The following SYMPK variants were observed in gnomAD, a reference collection of about 807,000 sequenced individuals.
SYMPK encodes the protein symplekin scaffold protein.
Under a neutral mutation model 136.4 loss-of-function variants are expected in SYMPK, and 49 were observed. The ratio of observed to expected loss-of-function variants is 0.36; its 90% CI spans 0.29 to 0.46. The LOEUF (loss-of-function observed/expected upper bound fraction) is 0.46. Among genes scored for constraint, SYMPK ranks in the 20% least tolerant of loss-of-function variants. The probability of loss-of-function intolerance (pLI) is 1.00; values close to 1 mark genes in which losing one functional copy is unlikely to be tolerated. For synonymous variants in SYMPK, 766 were observed against 713.0 expected (o/e 1.07, Z -1.19); for missense variants, 1,365 against 1,690.0 (o/e 0.81, Z 3.37).
intron 11 of SYMPK, among the ~76,000 whole-genome samples, chr19:45,832,311 T>G (rs1600507041): frequency 6.6e-6 from 1 of 152,186 alleles, no homozygotes; most frequent in East Asian, 1.9e-4. Flanking sequence ...CCAGCTAATT[T>G]TTTTGTTTTC....
rs1029096269 is a variant in SYMPK, at chr19:45,846,669, G to A, written c.676+1083C>T. ...CATATACACATACAAATACCTACAT[G>A]TGCACAGGAAAGATCTGAAAGGAAA... On this transcript the variant is annotated intron_variant, in intron 7 of 26. Transcript: ENST00000245934. Among the ~76,000 whole-genome samples the A allele has an allele frequency of 2.0e-5, 3 of 152,246 alleles. No homozygotes were observed. In the South Asian group the frequency reaches 6.2e-4, roughly 32 times the overall value.
At chr19:45,830,827 T>G (rs566548278) in intron 12 of SYMPK, 2 of 152,114 alleles carry the variant, frequency 1.3e-5, no homozygotes, top group Admixed American at 1.3e-4. Flanking sequence ...AGGCGGAGCT[T>G]GCAGTGAGCT....
intron 7 of SYMPK, among the ~76,000 whole-genome samples, 156 bp downstream of exon 7, chr19:45,847,596 A>G (rs1228182573): frequency 6.6e-6 from 1 of 152,182 alleles, no homozygotes; most frequent in Non-Finnish European, 1.5e-5. Flanking sequence ...TAAGCAGTGC[A>G]GCTGGGATCT....
chr19:45,840,382 G>A (rs1680896588), intron 9 of SYMPK, among the ~76,000 whole-genome samples: 1 of 150,266 alleles, frequency 6.7e-6, no homozygotes, highest in African/African-American at 2.5e-5. Context: ...TACAAACCCT[G>A]GCCAGGTGCA....
chr19:45,830,036 G>C lies in SYMPK; in HGVS notation c.1749+18C>G, dbSNP rs1297729475. 6.5e-7 allele frequency: 1 copy of C among 1,535,620 alleles called. No individual in the cohort carries two copies. The highest frequency in any genetic ancestry group is 2.0e-5 in the Admixed American group (1 of 50,494). On this transcript the variant is annotated intron_variant, in intron 13 of 26. Transcript: ENST00000245934. Reference sequence around the variant, plus strand: ...TAGAGGGACTGGAAGGATGGGGTGGGGGGTGGCAGGCGCACACCTGGGCTG... The same window carrying C: ...TAGAGGGACTGGAAGGATGGGGTGGCGGGTGGCAGGCGCACACCTGGGCTG...
rs1198940502 is a variant in SYMPK at position 45,831,598 on chromosome 19, A to G, written c.1394-10T>C. On this transcript the variant is annotated splice_polypyrimidine_tract_variant and intron_variant, in intron 11 of 26. Transcript: ENST00000245934. ...TTGGTCTGCTCTACACCTGAGGGGGAGGCAGCAAACAGACACCCAGTGCGT... is the reference window on the plus strand; with the variant it reads ...TTGGTCTGCTCTACACCTGAGGGGGGGGCAGCAAACAGACACCCAGTGCGT... The G allele has an allele frequency of 1.3e-6, 2 of 1,571,630 alleles. No homozygotes were observed. Among genetic ancestry groups the G allele is most frequent in the Non-Finnish European group, 1.7e-6 (2 of 1,157,674 alleles).
intron 9 of SYMPK, 139 bp downstream of exon 9, chr19:45,842,111 C>G: frequency 7.3e-7 from 1 of 1,371,024 alleles, no homozygotes; most frequent in Non-Finnish European, 9.9e-7. Context: ...GCTGGGAATA[C>G]AGGTGTGAGC....
chr19:45,816,340 G>A, intron 25 of SYMPK, 142 bp downstream of exon 25: 1 of 1,257,482 alleles, frequency 8.0e-7, no homozygotes, highest in Non-Finnish European at 1.1e-6. Flanking sequence ...CCCAGCAGGA[G>A]CATCCCCTGG....
chr19:45,860,445 T>G (rs1364180724), intron 1 of SYMPK, among the ~76,000 whole-genome samples: 1 of 142,262 alleles, frequency 7.0e-6, no homozygotes, highest in Non-Finnish European at 1.5e-5. Flanking sequence ...GCAACAAGAG[T>G]GAAACTGCGT....
chr19:45,828,312 G>A (rs1009235394), intron 14 of SYMPK: 2 of 228,050 alleles, frequency 8.8e-6, no homozygotes, highest in African/African-American at 4.7e-5. Flanking sequence ...TAGAGTTGAG[G>A]GAAGAGCATT....
Position 45,815,864 on chromosome 19 carries a change from C to T in SYMPK, c.3674G>A (p.Gly1225Asp), listed in dbSNP as rs1568604225. 6.2e-7 allele frequency: 1 copy of T among 1,611,884 alleles called. No homozygotes were observed. Among genetic ancestry groups the T allele is most frequent in the Admixed American group, 1.7e-5 (1 of 59,934 alleles). The change falls in exon 26 of 27, where the codon GGC becomes GAC. Residue 1225 changes from glycine to aspartate, a missense_variant. By Grantham distance (94) the Gly-to-Asp change is moderately conservative. Coordinates refer to ENST00000245934, the MANE Select transcript of SYMPK (RefSeq NM_004819.3). ...TGCTCTCCCTACCTTGGGTAGGGGG[C>T]CCTCGAGACTAGAGTCCAACAGCGC... The part of the protein sequence containing the change: ...EAALLDSSLE[G>D]PLPKETAAGG...
At chr19:45,815,773 C>T (rs1354234715) in intron 26 of SYMPK, 76 bp from the exon 27 acceptor site, 9 of 1,587,764 alleles carry the variant, frequency 5.7e-6, no homozygotes, top group East Asian at 2.3e-5. Flanking sequence ...GCCCTGCCCC[C>T]TGATGGCCCC....
chr19:45,856,914 C>T (rs1317382850), intron 1 of SYMPK, among the ~76,000 whole-genome samples: 4 of 151,604 alleles, frequency 2.6e-5, no homozygotes, highest in Non-Finnish European at 5.9e-5. Context: ...GTCAGGAGTT[C>T]GAGACCAGAC....
intron 1 of SYMPK, among the ~76,000 whole-genome samples, chr19:45,860,463 TAAA>T (rs201550219): frequency 8.2e-6 from 1 of 121,514 alleles, no homozygotes; most frequent in Non-Finnish European, 1.7e-5. Context: ...CGTTTCAAAT[TAAA>T]AAAAAAAAGA....
chr19:45,826,690 G>A (rs1971050475), intron 16 of SYMPK, among the ~76,000 whole-genome samples: 1 of 152,206 alleles, frequency 6.6e-6, no homozygotes, highest in Admixed American at 6.5e-5. Context: ...AGTCTCCCTA[G>A]AACGTCTACT....
At chr19:45,816,433 A>C (rs1970739012) in intron 25 of SYMPK, 49 bp downstream of exon 25, 1 of 1,501,670 alleles carries the variant, frequency 6.7e-7, no homozygotes, top group South Asian at 1.2e-5. Flanking sequence ...GGCTTGGGGT[A>C]GGGGGTGGGA....
chr19:45,828,455 G>T (rs1359641269), intron 14 of SYMPK: 1 of 179,456 alleles, frequency 5.6e-6, no homozygotes, highest in Non-Finnish European at 1.2e-5. Context: ...ACTGGTCACA[G>T]TAAGGAGGCT....
Position 45,815,837 on chromosome 19 carries a change from G to C in SYMPK, c.3687+14C>G, listed in dbSNP as rs1408930087. ...TCCGGCTTCTTCCTTCGCAGCGGAGGCTGCTCTCCCTACCTTGGGTAGGGG... is the reference window on the plus strand; with the variant it reads ...TCCGGCTTCTTCCTTCGCAGCGGAGCCTGCTCTCCCTACCTTGGGTAGGGG... On this transcript the variant is annotated intron_variant, in intron 26 of 26. Transcript: ENST00000245934. 1.2e-6 allele frequency: 2 copies of C among 1,610,400 alleles called. No individual in the cohort carries two copies. Among genetic ancestry groups the C allele is most frequent in the Non-Finnish European group, 1.7e-6 (2 of 1,178,934 alleles).
rs149485173 is a variant in SYMPK at position 45,844,109 on chromosome 19, C to T, written c.768G>A (p.Ala256=). 19 of 1,612,846 alleles carry T rather than the reference C, an allele frequency of 1.2e-5. No homozygotes were observed. Among genetic ancestry groups the T allele is most frequent in the East Asian group, 8.9e-5 (4 of 44,824 alleles). Residue 256 remains alanine, a synonymous_variant, in exon 8 of 27, where the codon GCG becomes GCA. Transcript: ENST00000245934. ...PAISSINLTT[A]LGSLANIARQ... is the part of the protein sequence containing the mutation. Reference sequence around the variant, plus strand: ...GGGCGATATTGGCAAGGGAGCCCAGCGCTGTGGTCAGGTTGATGGAGGAGA... The same window carrying T: ...GGGCGATATTGGCAAGGGAGCCCAGTGCTGTGGTCAGGTTGATGGAGGAGA...
Sources: gnomAD v4.1 joint callset for allele counts (sites outside exome capture counted in the v4.1 genomes callset) on GRCh38, gnomAD v4.1.1 for gene constraint, MANE v1.5 for transcripts, NCBI Gene and HGNC (gene_info 2026-07-23, HGNC 2026-07-21) for gene names.